Variants in SYNJ1 observed in about 807,000 individuals in gnomAD.
SYNJ1 encodes the protein polyphosphatidylinositol phosphatase SYNJ1.
In SYNJ1, 78 loss-of-function variants were observed where a neutral mutation model predicts 168.2. The ratio of observed to expected loss-of-function variants is 0.46; its 90% CI spans 0.39 to 0.56. SYNJ1 has a LOEUF of 0.56. Among genes scored for constraint, SYNJ1 ranks in the 20% least tolerant of loss-of-function variants. The probability of loss-of-function intolerance (pLI) is 0.00; values close to 1 mark genes in which losing one functional copy is unlikely to be tolerated. For synonymous variants in SYNJ1, 539 were observed against 548.6 expected (o/e 0.98, Z 0.24); for missense variants, 1,303 against 1,597.6 (o/e 0.82, Z 3.14).
intron 29 of SYNJ1, 38 bp downstream of exon 29, chr21:32,641,858 A>C: frequency 6.6e-7 from 1 of 1,517,102 alleles, no homozygotes; most frequent in Non-Finnish European, 9.0e-7. Flanking sequence ...CAGGACTTAG[A>C]ACCGAGACCC....
At position 32,678,640 on chromosome 21, in the gene SYNJ1, C is replaced by A; in HGVS notation, c.1510+5G>T. The A allele has an allele frequency of 6.3e-7, 1 of 1,597,980 alleles. No individual in the cohort carries two copies. The highest frequency in any genetic ancestry group is 1.8e-5 in the Admixed American group (1 of 54,896). ...AATAACAAATAAAATATAAAGTGCA[C>A]ATACCACGCAAACTTCCAGTAGTTA... On this transcript the variant is annotated splice_donor_5th_base_variant and intron_variant, in intron 12 of 32. Transcript: ENST00000674351.
At chr21:32,635,246 C>T (rs1034461552) in intron 31 of SYNJ1, among the ~76,000 whole-genome samples, 2 of 152,076 alleles carry the variant, frequency 1.3e-5, no homozygotes, top group Non-Finnish European at 1.5e-5. Context: ...CCATAAGCCC[C>T]TGTGTGATGG....
chr21:32,641,754 A>G, intron 29 of SYNJ1, 142 bp downstream of exon 29: 1 of 572,484 alleles, frequency 1.7e-6, no homozygotes, highest in South Asian at 2.6e-5. Context: ...TCGGAAGATC[A>G]TCAAGTGCAA....
chr21:32,677,636 C>A (rs2041464064), intron 12 of SYNJ1, among the ~76,000 whole-genome samples: 1 of 152,076 alleles, frequency 6.6e-6, no homozygotes, highest in Admixed American at 6.5e-5. Flanking sequence ...AGGAAGAAAG[C>A]CTGAAGTTGA....
chr21:32,728,297 G>A (rs2043570843), upstream of SYNJ1: 1 of 451,128 alleles, frequency 2.2e-6, no homozygotes, highest in Non-Finnish European at 3.9e-6. Flanking sequence ...GAGCGCCGGG[G>A]AGGGACTCCG....
At chr21:32,709,996 T>G (rs1430824183) in intron 2 of SYNJ1, among the ~76,000 whole-genome samples, 1 of 151,730 alleles carries the variant, frequency 6.6e-6, no homozygotes, top group Non-Finnish European at 1.5e-5. Flanking sequence ...GTCAGGAGTT[T>G]GAGACTAGCC....
At chr21:32,716,887 G>A (rs2043042266) in intron 2 of SYNJ1, among the ~76,000 whole-genome samples, 1 of 150,680 alleles carries the variant, frequency 6.6e-6, no homozygotes, top group Non-Finnish European at 1.5e-5. Flanking sequence ...ATGTCTTCAA[G>A]TTTGCCAATC....
At chr21:32,663,968 A>G (rs1413272521) in intron 18 of SYNJ1, among the ~76,000 whole-genome samples, 1 of 152,248 alleles carries the variant, frequency 6.6e-6, no homozygotes, top group African/African-American at 2.4e-5. Context: ...AGTTGAAGAC[A>G]TAATTAGAGA....
At chr21:32,640,811 A>C (rs1286363304) in intron 29 of SYNJ1, among the ~76,000 whole-genome samples, 1 of 152,246 alleles carries the variant, frequency 6.6e-6, no homozygotes, top group East Asian at 1.9e-4. Context: ...AAGACTCATC[A>C]GTGAAAAATA....
At chr21:32,664,885 G>T in intron 18 of SYNJ1, 28 bp downstream of exon 18, 4 of 1,516,360 alleles carry the variant, frequency 2.6e-6, no homozygotes, top group Non-Finnish European at 3.6e-6. Context: ...AAATCTTAAT[G>T]CAAGTATTTT....
chr21:32,690,253 G>A (rs2041973670), intron 6 of SYNJ1, among the ~76,000 whole-genome samples: 1 of 152,236 alleles, frequency 6.6e-6, no homozygotes, highest in African/African-American at 2.4e-5. Flanking sequence ...CTGTAACCAT[G>A]CTGGAATGCA....
intron 2 of SYNJ1, among the ~76,000 whole-genome samples, chr21:32,704,872 G>A (rs979755034): frequency 2.6e-5 from 4 of 152,076 alleles, no homozygotes; most frequent in Admixed American, 6.5e-5. Flanking sequence ...TTACCAGGCC[G>A]GGTATGGTGG....
chr21:32,665,851 TCTTA>T, intron 17 of SYNJ1, 88 bp downstream of exon 17: 1 of 1,276,570 alleles, frequency 7.8e-7, no homozygotes, highest in Non-Finnish European at 1.1e-6. Flanking sequence ...CTAGGAACTA[TCTTA>T]AATTTCCAAA....
chr21:32,694,976 CAAAT>C, intron 5 of SYNJ1, 77 bp downstream of exon 5: 2 of 1,317,000 alleles, frequency 1.5e-6, no homozygotes, highest in Non-Finnish European at 2.1e-6. Context: ...AGCTCCGAAT[CAAAT>C]AAAAATCTGT....
intron 22 of SYNJ1, among the ~76,000 whole-genome samples, chr21:32,652,300 A>C (rs977441595): frequency 6.6e-6 from 1 of 151,906 alleles, no homozygotes. Flanking sequence ...ACCCAGGTTC[A>C]AGTGATTCTG....
chr21:32,681,119 G>C (rs2041605911), intron 11 of SYNJ1, among the ~76,000 whole-genome samples: 1 of 152,082 alleles, frequency 6.6e-6, no homozygotes, highest in South Asian at 2.1e-4. Flanking sequence ...AAATAAGAGA[G>C]AACCCTTTAT....
In SYNJ1 at chr21:32,657,056, A is replaced by G; in HGVS notation, c.2526T>C (p.Thr842=). ...QDESKILYTW[T]PGTLLHYGRA... is the part of the protein sequence containing the mutation. ...TTCCATAGTGCAGCAAAGTGCCTGG[A>G]GTCCACGTGTACAGAATTTTGCTTT... is the stretch of plus-strand genomic sequence containing the variant. The change falls in exon 20 of 33, where the codon ACT becomes ACC. Residue 842 remains threonine, a synonymous_variant. Coordinates refer to ENST00000674351, the MANE Select transcript of SYNJ1 (RefSeq NM_203446.3). 1.2e-6 allele frequency: 2 copies of G among 1,614,196 alleles called. No individual in the cohort carries two copies. Among genetic ancestry groups the G allele is most frequent in the Non-Finnish European group, 1.7e-6 (2 of 1,180,050 alleles).
Position 32,639,134 on chromosome 21 carries a change from C to A in SYNJ1, c.3698-9G>T, listed in dbSNP as rs537149886. 1.9e-6 allele frequency: 3 copies of A among 1,608,382 alleles called. No individual in the cohort carries two copies. Among genetic ancestry groups the A allele is most frequent in the Admixed American group, 1.7e-5 (1 of 59,122 alleles). ...AGGAAGGAAAGTTGAACCTAAAAAACCAGTGGTTGTCAGATGTTAGGTATA... is the reference window on the plus strand; with the variant it reads ...AGGAAGGAAAGTTGAACCTAAAAAAACAGTGGTTGTCAGATGTTAGGTATA... On this transcript the variant is annotated splice_polypyrimidine_tract_variant and intron_variant, in intron 30 of 32. Transcript: ENST00000674351.
At chr21:32,671,635 G>C (rs1362780747) in intron 14 of SYNJ1, among the ~76,000 whole-genome samples, 1 of 152,136 alleles carries the variant, frequency 6.6e-6, no homozygotes, top group East Asian at 1.9e-4. Flanking sequence ...TGGAATAATG[G>C]TGTCTATGAA....
Sources: allele counts gnomAD v4.1 joint callset (sites outside exome capture counted in the v4.1 genomes callset), GRCh38; gene constraint gnomAD v4.1.1; transcripts MANE v1.5; gene names NCBI Gene and HGNC (gene_info 2026-07-23, HGNC 2026-07-21).